Variants in ZNF578 observed in about 807,000 individuals in gnomAD.
ZNF578 encodes the protein Putative chemokine-related protein B42.
In ZNF578, 8 loss-of-function variants were observed where a neutral mutation model predicts 8.3. The ratio of observed to expected loss-of-function variants is 0.96; its 90% confidence interval spans 0.56 to 1.74. ZNF578 has a LOEUF of 1.74. Among genes scored for constraint, ZNF578 ranks in the 40% most tolerant of loss-of-function variants. The pLI, the probability that ZNF578 is intolerant of heterozygous loss-of-function variation, is 0.00. For synonymous variants in ZNF578, 206 were observed against 232.2 expected (o/e 0.89, Z 1.03); for missense variants, 726 against 707.5 (o/e 1.03, Z -0.30).
intron 2 of ZNF578, among the ~76,000 whole-genome samples, chr19:52,475,758 A>G (rs1024539774): frequency 1.3e-5 from 2 of 152,174 alleles, no homozygotes; most frequent in African/African-American, 4.8e-5. Flanking sequence ...CACTTCTTTC[A>G]GTAACAATAG....
chr19:52,516,005 C>G lies in ZNF578; in HGVS notation c.*3851C>G. ...GGCTCCACAGCCCCGTGTGCAGGGC[C>G]CCTGCCAGTGTCCAGCCTCCTCCTG... On this transcript the variant is annotated 3_prime_UTR_variant, in exon 6 of 6. Transcript: ENST00000421239. Among the ~76,000 whole-genome samples, 1 of 152,124 alleles carries G rather than the reference C, an allele frequency of 6.6e-6. No individual in the cohort carries two copies. The highest frequency in any genetic ancestry group is 1.9e-4 in the East Asian group (1 of 5,172).
At chr19:52,502,768 G>A (rs71358876) in intron 4 of ZNF578, among the ~76,000 whole-genome samples, 2 of 152,142 alleles carry the variant, frequency 1.3e-5, no homozygotes, top group East Asian at 1.9e-4. Flanking sequence ...AGAAGGTGTC[G>A]CTCTGTGGCT....
intron 2 of ZNF578, among the ~76,000 whole-genome samples, chr19:52,490,380 T>C (rs143586977): frequency 2.0e-5 from 3 of 152,356 alleles, no homozygotes; most frequent in African/African-American, 7.2e-5. Context: ...TGTGTGCTGA[T>C]TTTAAGTAGA....
chr19:52,481,691 A>G (rs901573049), intron 2 of ZNF578, among the ~76,000 whole-genome samples: 6 of 152,016 alleles, frequency 3.9e-5, no homozygotes, highest in Non-Finnish European at 7.4e-5. Context: ...GGGGAAGTGA[A>G]GTGGGAGAAA....
At position 52,483,654 on chromosome 19, in the gene ZNF578, A is replaced by C. The variant is rs529606676; in HGVS notation, c.-121-7670A>C. 5.0e-4 allele frequency among the ~76,000 whole-genome samples: 76 copies of C among 152,274 alleles called. 1 individual carries two copies. Among genetic ancestry groups the C allele is most frequent in the African/African-American group, 1.8e-3 (76 of 41,554 alleles). ...ATGTTTTCTGTGATCTCAGTTTATA[A>C]ATTTTCCCAGTACACATTCTATGTT... On this transcript the variant is annotated intron_variant, in intron 2 of 5. Transcript: ENST00000421239.
At chr19:52,506,356 A>G (rs1315774612) in intron 5 of ZNF578, among the ~76,000 whole-genome samples, 1 of 151,890 alleles carries the variant, frequency 6.6e-6, no homozygotes, top group African/African-American at 2.4e-5. Flanking sequence ...CATGCCTGTA[A>G]TCCCAGCACT....
intron 2 of ZNF578, among the ~76,000 whole-genome samples, chr19:52,477,917 T>C (rs929464767): frequency 6.6e-6 from 1 of 152,190 alleles, no homozygotes; most frequent in African/African-American, 2.4e-5. Context: ...TGCACAATAT[T>C]TAAAAAGGAT....
rs200916388 is a variant in ZNF578 at position 52,474,903 on chromosome 19, CCT to C, written c.-121-16420_-121-16419del. 2.8e-3 allele frequency: 594 copies of C among 209,376 alleles called. 9 individuals are homozygous for C. In the East Asian group the frequency reaches 0.046, roughly 16 times the overall value. The allele number at this position is 209,376 out of a possible 1,614,324, so 13.0% of individuals were successfully genotyped here. On this transcript the variant is annotated intron_variant, in intron 2 of 5. Coordinates refer to ENST00000421239, the MANE Select transcript of ZNF578 (RefSeq NM_001099694.2). ...TTCATTACATTTGTAAGGTTTCTGT[CCT>C]GTATTCACTCACTAATACTCTGTAA...
At chr19:52,483,424 C>T (rs1168244646) in intron 2 of ZNF578, among the ~76,000 whole-genome samples, 2 of 152,088 alleles carry the variant, frequency 1.3e-5, no homozygotes, top group African/African-American at 4.8e-5. Context: ...TCAAAAAATA[C>T]GTAAATAAAT....
At chr19:52,494,305 A>G (rs707314) in intron 3 of ZNF578, among the ~76,000 whole-genome samples, 30,843 of 151,774 alleles carry the variant, frequency 0.2, 3,263 homozygotes, top group Non-Finnish European at 0.22. Context: ...TAGGCAAAAT[A>G]GTGAGACCCG....
chr19:52,505,443 G>C (rs2059422445), intron 5 of ZNF578, among the ~76,000 whole-genome samples: 1 of 151,770 alleles, frequency 6.6e-6, no homozygotes, highest in Non-Finnish European at 1.5e-5. Context: ...TTTTGTTTTT[G>C]AGACAGTCTC....
At chr19:52,500,837 G>T (rs1330309362) in intron 3 of ZNF578, among the ~76,000 whole-genome samples, 2 of 149,824 alleles carry the variant, frequency 1.3e-5, no homozygotes, top group African/African-American at 4.9e-5. Flanking sequence ...TGGGCCCCAA[G>T]ATTTATTTTC....
chr19:52,510,778 A>G lies in ZNF578; in HGVS notation c.397A>G (p.Lys133Glu). The change falls in exon 6 of 6, where the codon AAA becomes GAA. Residue 133 changes from lysine (K) to glutamate (E), a missense_variant. Physicochemically the swap from Lys to Glu is moderately conservative, Grantham distance 56. Coordinates refer to ENST00000421239, the MANE Select transcript of ZNF578 (RefSeq NM_001099694.2). ...CCATGAAGCATCCATGCCAAAAATC[A>G]AAGAGTTGATGGGTAGCACAGACCG... ...NGHEASMPKI[K>E]ELMGSTDRHD... 6.2e-7 allele frequency: 1 copy of G among 1,613,088 alleles called. No individual in the cohort carries two copies. Among genetic ancestry groups the G allele is most frequent in the Non-Finnish European group, 8.5e-7 (1 of 1,179,306 alleles).
chr19:52,471,343 A>G (rs887675901), intron 2 of ZNF578, among the ~76,000 whole-genome samples: 4 of 152,290 alleles, frequency 2.6e-5, no homozygotes, highest in Admixed American at 6.5e-5. Context: ...CAGAGAGCCT[A>G]TTGTGGAACT....
intron 3 of ZNF578, among the ~76,000 whole-genome samples, chr19:52,500,111 G>C (rs142404948): frequency 6.6e-6 from 1 of 152,086 alleles, no homozygotes; most frequent in South Asian, 2.1e-4. Flanking sequence ...CATCTTCTCC[G>C]GGTCTCCTTT....
chr19:52,458,661 A>T (rs1345544127), intron 2 of ZNF578: 1 of 151,718 alleles, frequency 6.6e-6, no homozygotes, highest in African/African-American at 2.4e-5. Flanking sequence ...TTTCTTTCAT[A>T]TGCCCTGATG....
At chr19:52,507,896 A>C (rs1286636774) in intron 5 of ZNF578, among the ~76,000 whole-genome samples, 3 of 152,062 alleles carry the variant, frequency 2.0e-5, no homozygotes, top group African/African-American at 7.2e-5. Flanking sequence ...CTAAAACTAC[A>C]AAATTAGCCG....
intron 5 of ZNF578, among the ~76,000 whole-genome samples, chr19:52,509,613 A>G (rs1370227633): frequency 6.6e-6 from 1 of 152,112 alleles, no homozygotes; most frequent in Non-Finnish European, 1.5e-5. Context: ...CCAAAAACAC[A>G]CAAACTAGCC....
chr19:52,505,507 C>T (rs971962943), intron 5 of ZNF578, among the ~76,000 whole-genome samples: 2 of 151,992 alleles, frequency 1.3e-5, no homozygotes, highest in African/African-American at 4.8e-5. Context: ...CTGTAAGCTC[C>T]GCCTCCCGGG....
Sources: allele counts gnomAD v4.1 joint callset (sites outside exome capture counted in the v4.1 genomes callset), GRCh38; gene constraint gnomAD v4.1.1; transcripts MANE v1.5; gene names NCBI Gene and HGNC (gene_info 2026-07-23, HGNC 2026-07-21).